MYT1L: variants seen among roughly 807,000 people sequenced by gnomAD.
MYT1L encodes myelin transcription factor 1-like protein.
A neutral mutation model predicts 126.7 loss-of-function variants in MYT1L; 12 were observed. The observed-to-expected ratio is 0.09, with a 90% CI of 0.06 to 0.15. The LOEUF is 0.15. MYT1L is among the 10% of genes least tolerant of loss of function. The pLI, the probability that MYT1L is intolerant of heterozygous loss-of-function variation, is 1.00. For synonymous variants in MYT1L, 541 were observed against 604.2 expected, an observed-to-expected ratio of 0.90 and a Z score of 1.53; for missense variants, 979 against 1,585.2, an observed-to-expected ratio of 0.62 and a Z score of 6.49.
chr2:1,870,851 C>T (rs2046189212), intron 18 of MYT1L, among the ~76,000 whole-genome samples: 1 of 152,336 alleles, frequency 6.6e-6, no homozygotes, highest in Non-Finnish European at 1.5e-5. Flanking sequence ...AAAGTTACTG[C>T]TAAAGTGTCC....
chr2:1,793,776 G>A lies in MYT1L; in HGVS notation c.3277-1312C>T, dbSNP rs976221842. Among the ~76,000 whole-genome samples, 1 of 152,142 alleles carries A rather than the reference G, an allele frequency of 6.6e-6. No homozygotes were observed. The highest frequency in any genetic ancestry group is 2.4e-5 in the African/African-American group (1 of 41,442). ...AGATTTATTTCCATGCACGTCCTGG[G>A]TGACCTTCTCATTCGTGTTCTTTGG... On this transcript the variant is annotated intron_variant, in intron 23 of 24. Coordinates refer to ENST00000647738, the MANE Select transcript of MYT1L (RefSeq NM_001303052.2). The surrounding 1 kb of genome is among the most constrained non-coding windows in gnomAD (Gnocchi z 4.6).
At chr2:1,902,104 G>A (rs776520744) in intron 14 of MYT1L, among the ~76,000 whole-genome samples, 3 of 152,150 alleles carry the variant, frequency 2.0e-5, no homozygotes, top group Non-Finnish European at 2.9e-5. Flanking sequence ...TGGCAATTAC[G>A]TCTATACAGC....
At chr2:2,267,549 A>G (rs2095164261) in intron 2 of MYT1L, among the ~76,000 whole-genome samples, 1 of 152,208 alleles carries the variant, frequency 6.6e-6, no homozygotes, top group South Asian at 2.1e-4. Flanking sequence ...AAAATGCCCC[A>G]GATGGAAGCA....
At chr2:2,104,780 A>G (rs752777294) in intron 3 of MYT1L, among the ~76,000 whole-genome samples, 18 of 152,180 alleles carry the variant, frequency 1.2e-4, no homozygotes, top group Non-Finnish European at 2.2e-4. Flanking sequence ...GGGGACTCTG[A>G]GGGTTCTGCA....
intron 3 of MYT1L, among the ~76,000 whole-genome samples, chr2:2,140,578 G>A (rs2083821484): frequency 6.6e-6 from 1 of 151,838 alleles, no homozygotes. Context: ...GGGACTACAG[G>A]TGCCCGCCAC....
At chr2:1,803,141 T>C (rs1050372404) in intron 22 of MYT1L, among the ~76,000 whole-genome samples, 2 of 152,094 alleles carry the variant, frequency 1.3e-5, no homozygotes, top group African/African-American at 4.8e-5. Flanking sequence ...ATGCGGCTTT[T>C]AGTGAAACGA....
At chr2:2,302,771 T>C (rs1037985236) in intron 1 of MYT1L, among the ~76,000 whole-genome samples, 28 of 152,168 alleles carry the variant, frequency 1.8e-4, no homozygotes, top group African/African-American at 5.8e-4. Flanking sequence ...TTAATTAGAT[T>C]GTAGACGTGG....
chr2:1,801,746 T>G lies in MYT1L; in HGVS notation c.3226A>C (p.Asn1076His). 1.2e-6 allele frequency: 2 copies of G among 1,612,664 alleles called. No individual in the cohort carries two copies. Among genetic ancestry groups the G allele is most frequent in the Non-Finnish European group, 1.7e-6 (2 of 1,179,302 alleles). Residue 1076 changes from asparagine to histidine, a missense_variant, in exon 23 of 25, where the codon AAT becomes CAT. Around this residue, in one of 12 missense-constraint regions of MYT1L, gnomAD observed 179 missense variants for 398.6 expected, o/e 0.45. Transcript: ENST00000647738. The surrounding 1 kb of genome is among the most constrained non-coding windows in gnomAD (Gnocchi z 4.2). ...KQLDEEIKEL[N>H]ESNSQMEADM... ...GCTTCCATCTGGGAATTGGATTCAT[T>G]TAGCTCCTTGATTTCTTCATCTAAC...
chr2:2,073,495 G>A (rs1007640223), intron 3 of MYT1L, among the ~76,000 whole-genome samples: 8 of 152,018 alleles, frequency 5.3e-5, no homozygotes, highest in African/African-American at 1.4e-4. Flanking sequence ...TCTCTCCTAC[G>A]GGGAAGAGAG....
At chr2:2,320,542 A>G (rs2096145348) in intron 1 of MYT1L, among the ~76,000 whole-genome samples, 1 of 152,092 alleles carries the variant, frequency 6.6e-6, no homozygotes. Flanking sequence ...TGGGGGAGAC[A>G]AGCAAAAACC....
chr2:2,259,323 A>G (rs1309481428), intron 2 of MYT1L, among the ~76,000 whole-genome samples: 1 of 132,118 alleles, frequency 7.6e-6, no homozygotes, highest in Non-Finnish European at 1.6e-5. Context: ...GCAGCGCACC[A>G]GCATGGCACA....
chr2:1,890,049 A>C (rs2048655285), intron 15 of MYT1L, among the ~76,000 whole-genome samples: 1 of 148,914 alleles, frequency 6.7e-6, no homozygotes, highest in Non-Finnish European at 1.5e-5. Context: ...AGAATAAACT[A>C]AAATTTACCT....
chr2:2,122,837 A>ATGTGTGTGTGTG (rs200951880), intron 3 of MYT1L, among the ~76,000 whole-genome samples: 16 of 135,596 alleles, frequency 1.2e-4, no homozygotes, highest in East Asian at 2.2e-4. Flanking sequence ...GAGGATAGGA[A>ATGTGTGTGTGTG]TGTGTGTGTG....
At chr2:1,913,544 C>T (rs141582873) in intron 11 of MYT1L, among the ~76,000 whole-genome samples, 1 of 152,116 alleles carries the variant, frequency 6.6e-6, no homozygotes, top group Non-Finnish European at 1.5e-5. Flanking sequence ...TGCAGGATGT[C>T]GATCTACCTA....
At chr2:2,231,050 C>T (rs544224950) in intron 2 of MYT1L, among the ~76,000 whole-genome samples, 133 of 152,278 alleles carry the variant, frequency 8.7e-4, no homozygotes, top group Middle Eastern at 6.8e-3. Context: ...AGGTGCTTCG[C>T]AAATACTTCA....
At position 1,984,505 on chromosome 2, in the gene MYT1L, A is replaced by ATTTT. The variant is rs35510686; in HGVS notation, c.1-4732_1-4729dup. ...AGCCATGGTACCTGGCCAAGAACTA[A>ATTTT]TTTTTTTTTTTTTTTTTTTTTTGAG... On this transcript the variant is annotated intron_variant, in intron 5 of 24. Coordinates refer to ENST00000647738, the MANE Select transcript of MYT1L (RefSeq NM_001303052.2). Among the ~76,000 whole-genome samples the ATTTT allele has an allele frequency of 2.5e-3, 289 of 114,256 alleles. 11 individuals are homozygous for ATTTT. The highest frequency in any genetic ancestry group is 9.6e-3 in the African/African-American group (257 of 26,904). The allele number at this position is 114,256 out of a possible 152,430, so 75.0% of individuals were successfully genotyped here.
At chr2:2,037,338 C>T (rs968173002) in intron 4 of MYT1L, among the ~76,000 whole-genome samples, 8 of 152,146 alleles carry the variant, frequency 5.3e-5, no homozygotes, top group South Asian at 2.1e-4. Flanking sequence ...ATGGCTGAGA[C>T]GCCCTTTGGG....
chr2:1,923,276 T>TA lies in MYT1L; in HGVS notation c.506-14dup. On this transcript the variant is annotated splice_polypyrimidine_tract_variant and intron_variant, in intron 9 of 24. Transcript: ENST00000647738. The stretch of plus-strand genomic sequence containing the variant: ...ATTTGATGGTCTTCTGCAAAGAAAA[T>TA]AAAAAAGACAAAAAAGAAAAGAAAA... 2 of 1,544,562 alleles carry TA rather than the reference T, an allele frequency of 1.3e-6. No individual in the cohort carries two copies. Among genetic ancestry groups the TA allele is most frequent in the Non-Finnish European group, 1.7e-6 (2 of 1,143,860 alleles).
intron 1 of MYT1L, among the ~76,000 whole-genome samples, chr2:2,313,484 T>A (rs1271724494): frequency 1.3e-5 from 2 of 151,848 alleles, no homozygotes; most frequent in African/African-American, 4.8e-5. Context: ...CTGAATAGGC[T>A]TTACTTAGTT....
Sources: gnomAD v4.1 joint callset for allele counts (sites outside exome capture counted in the v4.1 genomes callset) on GRCh38, gnomAD v4.1.1 for gene constraint, gnomAD v4.1.1 regional missense constraint, Gnocchi (gnomAD v3.1) non-coding constraint, MANE v1.5 for transcripts, NCBI Gene and HGNC (gene_info 2026-07-23, HGNC 2026-07-21) for gene names.